PMFBP1: variants seen among roughly 807,000 people sequenced by gnomAD.
The protein encoded by PMFBP1 is polyamine-modulated factor 1-binding protein 1.
A neutral mutation model predicts 137.8 loss-of-function variants in PMFBP1; 131 were observed. The observed-to-expected ratio is 0.95, with a 90% CI of 0.82 to 1.10. The LOEUF is 1.10. Among genes scored for constraint, PMFBP1 ranks in the 50% least tolerant of loss-of-function variants. The pLI is 0.00. For missense variants in PMFBP1, 1,199 were observed against 1,175.4 expected (o/e 1.02, Z -0.29); for synonymous variants, 490 against 450.4 (o/e 1.09, Z -1.11).
chr16:72,157,032 A>G (rs2042991300), intron 3 of PMFBP1, among the ~76,000 whole-genome samples: 1 of 151,418 alleles, frequency 6.6e-6, no homozygotes, highest in African/African-American at 2.4e-5. Context: ...CTAAAAATAA[A>G]AAAAAAATTA....
chr16:72,221,273 C>T, the PMFBP1 span, among the ~76,000 whole-genome samples: 1 of 152,102 alleles, frequency 6.6e-6, no homozygotes. Flanking sequence ...TAACACCCGC[C>T]TCCAACATCA....
chr16:72,147,358 T>C (rs2042824689), intron 5 of PMFBP1, among the ~76,000 whole-genome samples: 1 of 152,172 alleles, frequency 6.6e-6, no homozygotes, highest in Non-Finnish European at 1.5e-5. Context: ...CCTTACACCT[T>C]ATACAAAAAT....
Position 72,124,913 on chromosome 16 carries a change from G to C in PMFBP1, c.2443C>G (p.Leu815Val), listed in dbSNP as rs762220595. ...ELEVHAFDKK[L>V]EEMSCQVLQW... The stretch of plus-strand genomic sequence containing the variant: ...AGCACCTGGCAGCTCATCTCCTCTA[G>C]CTTCTTGTCAAAGGCGTGCACCTAC... Residue 815 changes from leucine to valine, a missense_variant, in exon 17 of 21, where the codon CTA becomes GTA. Physicochemically the swap from Leu to Val is conservative, Grantham distance 32 (BLOSUM62 1). Transcript: ENST00000237353. 6.2e-7 allele frequency: 1 copy of C among 1,614,136 alleles called. No homozygotes were observed. Among genetic ancestry groups the C allele is most frequent in the South Asian group, 1.1e-5 (1 of 91,082 alleles).
intron 3 of PMFBP1, among the ~76,000 whole-genome samples, chr16:72,160,339 A>C (rs531628353): frequency 6.6e-6 from 1 of 152,318 alleles, no homozygotes; most frequent in African/African-American, 2.4e-5. Flanking sequence ...AAAGATGAGC[A>C]CTTCATTTAC....
At chr16:72,230,750 C>T in the PMFBP1 span, among the ~76,000 whole-genome samples, 1 of 152,182 alleles carries the variant, frequency 6.6e-6, no homozygotes, top group Admixed American at 6.5e-5. Flanking sequence ...ATCCCTTCTC[C>T]TCCTCAGCTG....
the PMFBP1 span, among the ~76,000 whole-genome samples, chr16:72,231,296 A>C: frequency 6.6e-6 from 1 of 152,176 alleles, no homozygotes; most frequent in African/African-American, 2.4e-5. Flanking sequence ...TTCTCCTCTC[A>C]AAATGACACA....
chr16:72,171,180 G>A lies in PMFBP1; in HGVS notation c.12+17C>T, dbSNP rs754307738. On this transcript the variant is annotated intron_variant, in intron 2 of 20. Coordinates refer to ENST00000237353, the MANE Select transcript of PMFBP1 (RefSeq NM_031293.3). ...GAATATTCAACTCCATGCATGTAGAGGAGTTAGGAGCCTTACCTCATCTTT... is the reference window on the plus strand; with the variant it reads ...GAATATTCAACTCCATGCATGTAGAAGAGTTAGGAGCCTTACCTCATCTTT... The A allele has an allele frequency of 9.9e-6, 16 of 1,613,042 alleles. No individual in the cohort carries two copies. Among genetic ancestry groups the A allele is most frequent in the African/African-American group, 8.0e-5 (6 of 74,894 alleles).
intron 18 of PMFBP1, 135 bp from the exon 19 acceptor site, chr16:72,123,123 C>A: frequency 1.3e-6 from 1 of 752,836 alleles, no homozygotes; most frequent in Admixed American, 2.3e-5. Flanking sequence ...ATCACCCCGT[C>A]CGCAGAGCTA....
At chr16:72,120,807 A>T (rs1450590495) in intron 19 of PMFBP1, among the ~76,000 whole-genome samples, 1 of 152,136 alleles carries the variant, frequency 6.6e-6, no homozygotes, top group Middle Eastern at 3.2e-3. Flanking sequence ...TCTGCCACTT[A>T]TTAGTTTTGA....
the PMFBP1 span, among the ~76,000 whole-genome samples, chr16:72,204,383 G>A: frequency 6.6e-6 from 1 of 152,056 alleles, no homozygotes; most frequent in Non-Finnish European, 1.5e-5. Context: ...CTAGTTTTTT[G>A]TGGAGATAGG....
chr16:72,140,675 C>A, intron 5 of PMFBP1, 93 bp from the exon 6 acceptor site: 1 of 1,169,190 alleles, frequency 8.6e-7, no homozygotes, highest in South Asian at 1.4e-5. Context: ...GACCTATATT[C>A]TAAAGGTATA....
At chr16:72,193,376 T>G in the PMFBP1 span, among the ~76,000 whole-genome samples, 1 of 152,120 alleles carries the variant, frequency 6.6e-6, no homozygotes, top group Non-Finnish European at 1.5e-5. Flanking sequence ...AGTGACACAG[T>G]GAGATTCTGT....
rs773097934 is a variant in PMFBP1 at position 72,140,562 on chromosome 16, A to C, written c.657T>G (p.Asp219Glu). The change falls in exon 6 of 21, where the codon GAT becomes GAG. Residue 219 changes from aspartate (D) to glutamate (E), a missense_variant. Coordinates refer to ENST00000237353, the MANE Select transcript of PMFBP1 (RefSeq NM_031293.3). ...IMGQEPENKG[D>E]HSKVRIYTSP... ...AAGTGTATATCCGTACCTTTGAATG[A>C]TCACCCTTGTTCTCAGGCTCCTGAG... The C allele has an allele frequency of 6.2e-7, 1 of 1,613,858 alleles. No individual in the cohort carries two copies. The highest frequency in any genetic ancestry group is 1.1e-5 in the South Asian group (1 of 91,072).
the PMFBP1 span, among the ~76,000 whole-genome samples, chr16:72,202,547 T>C: frequency 6.6e-6 from 1 of 152,190 alleles, no homozygotes; most frequent in Non-Finnish European, 1.5e-5. Context: ...CGACACTGGT[T>C]AGACTAGTTT....
intron 5 of PMFBP1, among the ~76,000 whole-genome samples, chr16:72,142,761 A>G (rs148350982): frequency 0.016 from 2,443 of 152,312 alleles, 34 homozygotes; most frequent in Middle Eastern, 0.061. Context: ...AATGAGAAAC[A>G]GCTGGGTTTA....
At chr16:72,158,835 A>T (rs548467600) in intron 3 of PMFBP1, among the ~76,000 whole-genome samples, 1 of 152,222 alleles carries the variant, frequency 6.6e-6, no homozygotes, top group East Asian at 1.9e-4. Context: ...TCTTTATAAA[A>T]AGTAAAAAAA....
chr16:72,236,880 A>G, the PMFBP1 span, among the ~76,000 whole-genome samples: 1 of 152,222 alleles, frequency 6.6e-6, no homozygotes, highest in Non-Finnish European at 1.5e-5. Context: ...ATAATTGAGA[A>G]GAGTAATAAA....
intron 4 of PMFBP1, among the ~76,000 whole-genome samples, chr16:72,151,083 C>A (rs2042895532): frequency 6.6e-6 from 1 of 152,204 alleles, no homozygotes; most frequent in African/African-American, 2.4e-5. Context: ...TTCTGCCCAG[C>A]ATGTGGCAGA....
At chr16:72,142,348 G>C (rs1183201765) in intron 5 of PMFBP1, among the ~76,000 whole-genome samples, 1 of 152,176 alleles carries the variant, frequency 6.6e-6, no homozygotes, top group African/African-American at 2.4e-5. Context: ...TCTCTGAAGT[G>C]AAGAAAAATG....
Sources: allele counts gnomAD v4.1 joint callset (sites outside exome capture counted in the v4.1 genomes callset), GRCh38; gene constraint gnomAD v4.1.1; transcripts MANE v1.5; gene names NCBI Gene and HGNC (gene_info 2026-07-23, HGNC 2026-07-21).